The following SBF2 variants were observed in gnomAD, a reference collection of about 807,000 sequenced individuals.
The protein encoded by SBF2 is myotubularin-related protein 13.
SBF2 carries 112 observed loss-of-function variants against 225.2 expected under a neutral mutation model. The observed-to-expected ratio is 0.50, with a 90% CI of 0.43 to 0.58. SBF2 has a LOEUF of 0.58. Ranked by LOEUF, SBF2 falls within the 20% of genes least tolerant of loss-of-function variation. The pLI is 0.00. For missense variants in SBF2, 1,996 were observed against 2,206.2 expected, an observed-to-expected ratio of 0.90 and a Z score of 1.91; for synonymous variants, 763 against 773.3, an observed-to-expected ratio of 0.99 and a Z score of 0.22.
Position 9,825,251 on chromosome 11 carries a change from G to C in SBF2, c.3793+4105C>G, listed in dbSNP as rs945415688. On this transcript the variant is annotated intron_variant, in intron 28 of 39. Transcript: ENST00000256190. ...AGGGAGAATGCCATGTGAAGATGAG[G>C]GCAGAGATTTAGGTAATGCTTCCAG... Among the ~76,000 whole-genome samples, 3 of 152,184 alleles carry C rather than the reference G, an allele frequency of 2.0e-5. No homozygotes were observed. The South Asian group carries it at 6.2e-4, about 32-fold the overall frequency.
intron 2 of SBF2, among the ~76,000 whole-genome samples, chr11:10,059,017 T>C (rs1319698199): frequency 6.6e-6 from 1 of 152,120 alleles, no homozygotes; most frequent in East Asian, 1.9e-4. Context: ...GAACATTAAA[T>C]ATAGAAAGGA....
chr11:9,795,107 A>C (rs12290340), intron 33 of SBF2, among the ~76,000 whole-genome samples: 3 of 152,224 alleles, frequency 2.0e-5, no homozygotes, highest in Non-Finnish European at 4.4e-5. Context: ...CAGTTATAAA[A>C]GTAAGAATGT....
intron 2 of SBF2, among the ~76,000 whole-genome samples, chr11:10,168,520 G>C (rs895592513): frequency 2.0e-5 from 3 of 152,066 alleles, no homozygotes; most frequent in Admixed American, 6.6e-5. Flanking sequence ...TCACCAATAG[G>C]AAACAGGCTG....
chr11:9,932,174 T>C (rs1044410784), intron 16 of SBF2, among the ~76,000 whole-genome samples: 17 of 152,126 alleles, frequency 1.1e-4, no homozygotes, highest in African/African-American at 4.1e-4. Flanking sequence ...CTGAAAGTGA[T>C]GGGGAAAATG....
intron 2 of SBF2, among the ~76,000 whole-genome samples, chr11:10,116,196 T>C (rs913218734): frequency 3.9e-5 from 6 of 152,270 alleles, no homozygotes; most frequent in Admixed American, 2.6e-4. Context: ...AAAAAATATT[T>C]GTTTATCTGA....
intron 2 of SBF2, among the ~76,000 whole-genome samples, chr11:10,177,913 G>A (rs1956542325): frequency 6.7e-6 from 1 of 149,728 alleles, no homozygotes; most frequent in Non-Finnish European, 1.5e-5. Context: ...GAACAAAGCT[G>A]GAGGCATCAC....
At chr11:9,899,034 G>A (rs1317282684) in intron 16 of SBF2, among the ~76,000 whole-genome samples, 1 of 149,296 alleles carries the variant, frequency 6.7e-6, no homozygotes, top group Non-Finnish European at 1.5e-5. Flanking sequence ...TGCTTTAGAG[G>A]AAGTTTAGTA....
intron 7 of SBF2, among the ~76,000 whole-genome samples, chr11:10,001,250 T>C (rs981633935): frequency 1.3e-5 from 2 of 152,182 alleles, no homozygotes; most frequent in African/African-American, 2.4e-5. Flanking sequence ...CCTGCTTCCT[T>C]AACCTTTGTT....
At chr11:9,964,018 A>C in intron 14 of SBF2, 136 bp from the exon 15 acceptor site, 1 of 635,554 alleles carries the variant, frequency 1.6e-6, no homozygotes. Flanking sequence ...TGGGAGGCTG[A>C]GGTGGGATGA....
At chr11:9,861,031 C>T (rs1262760999) in intron 17 of SBF2, among the ~76,000 whole-genome samples, 1 of 152,070 alleles carries the variant, frequency 6.6e-6, no homozygotes, top group Non-Finnish European at 1.5e-5. Flanking sequence ...GTTGAATGTC[C>T]CTTATCTGAA....
At chr11:9,970,949 C>A (rs1413660621) in intron 13 of SBF2, among the ~76,000 whole-genome samples, 1 of 152,220 alleles carries the variant, frequency 6.6e-6, no homozygotes, top group Admixed American at 6.5e-5. Flanking sequence ...ACCAATGTCA[C>A]TGGCCTGTAG....
intron 16 of SBF2, among the ~76,000 whole-genome samples, chr11:9,914,226 G>A (rs981423009): frequency 1.3e-5 from 2 of 152,174 alleles, no homozygotes; most frequent in East Asian, 3.8e-4. Context: ...AGAATAGACG[G>A]ACAATATAAG....
intron 1 of SBF2, among the ~76,000 whole-genome samples, chr11:10,266,214 C>T (rs1173853164): frequency 6.6e-6 from 1 of 152,198 alleles, no homozygotes; most frequent in Non-Finnish European, 1.5e-5. Context: ...TAAGCACAAA[C>T]TCAGGTTGTT....
chr11:9,846,530 AGGG>A (rs1856558640), intron 23 of SBF2, among the ~76,000 whole-genome samples: 1 of 152,216 alleles, frequency 6.6e-6, no homozygotes, highest in Non-Finnish European at 1.5e-5. Context: ...TTGCTTTATC[AGGG>A]GTATGCAACT....
chr11:9,904,909 A>G (rs1164775626), intron 16 of SBF2, among the ~76,000 whole-genome samples: 1 of 152,130 alleles, frequency 6.6e-6, no homozygotes, highest in Admixed American at 6.6e-5. Flanking sequence ...GTACTCCCAG[A>G]TACTTGGGAA....
intron 29 of SBF2, among the ~76,000 whole-genome samples, chr11:9,814,613 A>G (rs543713595): frequency 2.4e-4 from 36 of 152,236 alleles, no homozygotes; most frequent in Non-Finnish European, 4.6e-4. Flanking sequence ...AATAGTGACT[A>G]AAATAGTTAT....
chr11:10,072,341 T>C (rs1414898952), intron 2 of SBF2, among the ~76,000 whole-genome samples: 2 of 152,200 alleles, frequency 1.3e-5, no homozygotes, highest in Non-Finnish European at 2.9e-5. Context: ...TTTAAGATTC[T>C]AGTCAGCACA....
chr11:9,982,917 G>T (rs1947019752), intron 13 of SBF2, among the ~76,000 whole-genome samples: 1 of 152,184 alleles, frequency 6.6e-6, no homozygotes, highest in Non-Finnish European at 1.5e-5. Context: ...CAGCAGAAAG[G>T]CCCTGGGAGC....
chr11:10,288,228 C>A (rs1336208591), intron 1 of SBF2, among the ~76,000 whole-genome samples: 3 of 152,178 alleles, frequency 2.0e-5, no homozygotes, highest in Non-Finnish European at 4.4e-5. Context: ...TGTGTTAGAG[C>A]TCTTTTACCC....
Sources: gnomAD v4.1 joint callset for allele counts (sites outside exome capture counted in the v4.1 genomes callset) on GRCh38, gnomAD v4.1.1 for gene constraint, MANE v1.5 for transcripts, NCBI Gene and HGNC (gene_info 2026-07-23, HGNC 2026-07-21) for gene names.